Variants in GLI3 observed in about 807,000 individuals in gnomAD.
The protein encoded by GLI3 is GLI family zinc finger 3, also known as transcription activator GLI3.
In GLI3, 20 loss-of-function variants were observed where a neutral mutation model predicts 100.8. The observed-to-expected ratio is 0.20, with a 90% CI of 0.14 to 0.29. The LOEUF is 0.29. Among genes scored for constraint, GLI3 ranks in the 10% least tolerant of loss-of-function variants. The probability of loss-of-function intolerance (pLI) is 1.00; values close to 1 mark genes in which losing one functional copy is unlikely to be tolerated. For missense variants in GLI3, 2,040 were observed against 2,128.5 expected (o/e 0.96, Z 0.82); for synonymous variants, 938 against 860.5 (o/e 1.09, Z -1.58).
At chr7:42,218,567 AG>A (rs1379160400) in intron 2 of GLI3, among the ~76,000 whole-genome samples, 29 of 152,110 alleles carry the variant, frequency 1.9e-4, no homozygotes, top group Admixed American at 1.7e-3. Context: ...CAAAAAAAAA[AG>A]CAACTCCTTA....
intron 2 of GLI3, among the ~76,000 whole-genome samples, chr7:42,161,231 GAAT>G (rs1787124033): frequency 2.0e-5 from 3 of 152,044 alleles, no homozygotes; most frequent in Admixed American, 1.3e-4. Context: ...ACCAAAAGAA[GAAT>G]AATATTTCAC....
chr7:42,087,633 T>C (rs1275942227), intron 3 of GLI3, among the ~76,000 whole-genome samples: 2 of 151,932 alleles, frequency 1.3e-5, no homozygotes, highest in African/African-American at 4.8e-5. Flanking sequence ...AAAAAGCTCT[T>C]AGACACAAAA....
chr7:42,124,276 T>A (rs1786073468), intron 3 of GLI3, among the ~76,000 whole-genome samples: 1 of 152,248 alleles, frequency 6.6e-6, no homozygotes, highest in South Asian at 2.1e-4. Context: ...TTTCCCTGAC[T>A]AAACTGACTA....
At chr7:41,997,255 C>T (rs1243693671) in intron 10 of GLI3, among the ~76,000 whole-genome samples, 2 of 152,112 alleles carry the variant, frequency 1.3e-5, no homozygotes, top group Admixed American at 1.3e-4. Flanking sequence ...AGAAACCTGA[C>T]ATTTTGAGAA....
At chr7:42,133,551 T>C (rs1349916404) in intron 3 of GLI3, among the ~76,000 whole-genome samples, 1 of 151,946 alleles carries the variant, frequency 6.6e-6, no homozygotes, top group Non-Finnish European at 1.5e-5. Context: ...TCCTGACTCT[T>C]TTCAGGAGTG....
intron 3 of GLI3, among the ~76,000 whole-genome samples, chr7:42,093,346 T>C (rs1276724886): frequency 1.5e-5 from 2 of 134,646 alleles, no homozygotes; most frequent in African/African-American, 2.9e-5. Context: ...CCTATTGCAC[T>C]CCAGCCTGGG....
In GLI3 at chr7:41,968,988, G is replaced by A. The variant is rs529176681; in HGVS notation, c.2104-1065C>T. 2.6e-4 allele frequency among the ~76,000 whole-genome samples: 40 copies of A among 152,312 alleles called. 1 individual carries two copies. Among genetic ancestry groups the A allele is most frequent in the African/African-American group, 8.2e-4 (34 of 41,578 alleles). On this transcript the variant is annotated intron_variant, in intron 13 of 14. Transcript: ENST00000395925. ...CCACCGTAGTCCTCAATCAGGGAAA[G>A]TACTGCCTCCTCTCGCTCCCAGGGC...
At chr7:42,131,929 A>G (rs1786287431) in intron 3 of GLI3, among the ~76,000 whole-genome samples, 1 of 152,154 alleles carries the variant, frequency 6.6e-6, no homozygotes, top group Non-Finnish European at 1.5e-5. Context: ...ATGTCAGGAT[A>G]TAAAAATATA....
chr7:42,264,046 TG>T (rs1369970618), exon 1 of GLI3, among the ~76,000 whole-genome samples: 1 of 152,232 alleles, frequency 6.6e-6, no homozygotes, highest in Non-Finnish European at 1.5e-5. Context: ...CTGATTGTGT[TG>T]GCTGTCTCGT....
At chr7:42,016,099 C>G (rs1037934808) in intron 10 of GLI3, among the ~76,000 whole-genome samples, 1 of 152,016 alleles carries the variant, frequency 6.6e-6, no homozygotes, top group Non-Finnish European at 1.5e-5. Context: ...TGCTTAACAC[C>G]CTACAATGCC....
chr7:41,980,739 A>T (rs1285490535), intron 10 of GLI3, among the ~76,000 whole-genome samples: 1 of 152,188 alleles, frequency 6.6e-6, no homozygotes, highest in Non-Finnish European at 1.5e-5. Flanking sequence ...TGCTGAGCCA[A>T]CTGCTTAAGG....
chr7:42,217,285 G>C (rs6955604), intron 2 of GLI3, among the ~76,000 whole-genome samples: 55,401 of 151,912 alleles, frequency 0.36, 12,042 homozygotes, highest in East Asian at 0.72. Flanking sequence ...TTTCAAGCCT[G>C]GCTGACCACA....
Position 41,964,248 on chromosome 7 carries a change from A to T in GLI3, c.*82T>A, listed in dbSNP as rs1562656246. 1 of 1,251,084 alleles carries T rather than the reference A, an allele frequency of 8.0e-7. No individual in the cohort carries two copies. The highest frequency in any genetic ancestry group is 1.2e-6 in the Non-Finnish European group (1 of 860,354). The allele number at this position is 1,251,084 out of a possible 1,614,324, so 77.5% of individuals were successfully genotyped here. A position where few individuals can be genotyped will look rare whatever the true frequency, so the allele number is the denominator to read the frequency against. ...AGATTGCTAAAATACATACAGAACTAAAAAAACAGCCAAAACAAAGTCAGT... is the reference window on the plus strand; with the variant it reads ...AGATTGCTAAAATACATACAGAACTTAAAAAACAGCCAAAACAAAGTCAGT... On this transcript the variant is annotated 3_prime_UTR_variant, in exon 15 of 15. Coordinates refer to ENST00000395925, the MANE Select transcript of GLI3 (RefSeq NM_000168.6).
intron 3 of GLI3, among the ~76,000 whole-genome samples, chr7:42,105,703 T>C (rs1022075655): frequency 1.3e-5 from 2 of 152,098 alleles, no homozygotes; most frequent in African/African-American, 4.8e-5. Context: ...AAGGTGTGAA[T>C]CCTCCCACTT....
rs534424085 is a variant in GLI3 at position 42,028,231 on chromosome 7, C to G, written c.1029-1819G>C. Among the ~76,000 whole-genome samples, 153 of 152,198 alleles carry G rather than the reference C, an allele frequency of 1.0e-3. 1 individual carries two copies. The highest frequency in any genetic ancestry group is 3.4e-3 in the African/African-American group (140 of 41,502). ...TTCACATATAATTACCATGGCACAC[C>G]GACTTTGCATGTATCTCCAAACACC... On this transcript the variant is annotated intron_variant, in intron 7 of 14. Transcript: ENST00000395925.
At chr7:41,993,468 T>G (rs574678563) in intron 10 of GLI3, among the ~76,000 whole-genome samples, 2 of 152,192 alleles carry the variant, frequency 1.3e-5, no homozygotes, top group Non-Finnish European at 2.9e-5. Context: ...AGCCCTACCC[T>G]GCTGCTCTCC....
intron 1 of GLI3, among the ~76,000 whole-genome samples, chr7:42,235,643 G>A (rs969923685): frequency 1.3e-5 from 2 of 152,164 alleles, no homozygotes; most frequent in African/African-American, 4.8e-5. Flanking sequence ...GGAGAGAAGA[G>A]GGAGGAGAGG....
chr7:42,059,454 G>A (rs1784524662), intron 4 of GLI3, among the ~76,000 whole-genome samples: 1 of 148,982 alleles, frequency 6.7e-6, no homozygotes, highest in Admixed American at 6.7e-5. Context: ...AAGTATAAAT[G>A]AATATAATAT....
At chr7:42,072,354 A>T (rs1288434920) in intron 4 of GLI3, among the ~76,000 whole-genome samples, 2 of 152,234 alleles carry the variant, frequency 1.3e-5, no homozygotes, top group African/African-American at 4.8e-5. Context: ...CTTTTTCCCA[A>T]GAAAAATCCA....
Sources: gnomAD v4.1 joint callset for allele counts (sites outside exome capture counted in the v4.1 genomes callset) on GRCh38, gnomAD v4.1.1 for gene constraint, MANE v1.5 for transcripts, NCBI Gene and HGNC (gene_info 2026-07-23, HGNC 2026-07-21) for gene names.